Variants in FAM120B observed in about 807,000 individuals in gnomAD.
FAM120B encodes constitutive coactivator of peroxisome proliferator-activated receptor gamma.
Under a neutral mutation model 96.3 loss-of-function variants are expected in FAM120B, and 83 were observed. The observed-to-expected ratio is 0.86, with a 90% CI of 0.72 to 1.03. The LOEUF is 1.03. Ranked by LOEUF, FAM120B falls within the 50% of genes least tolerant of loss-of-function variation. The pLI, the probability that FAM120B is intolerant of heterozygous loss-of-function variation, is 0.00. For missense variants in FAM120B, 1,027 were observed against 1,121.2 expected, an observed-to-expected ratio of 0.92 and a Z score of 1.20; for synonymous variants, 407 against 402.7, an observed-to-expected ratio of 1.01 and a Z score of -0.13.
intron 5 of FAM120B, among the ~76,000 whole-genome samples, chr6:170,349,750 G>A (rs759460120): frequency 1.2e-4 from 19 of 152,186 alleles, no homozygotes; most frequent in African/African-American, 4.3e-4. Flanking sequence ...GCTGCGGTCC[G>A]TGGCACTCAC....
intron 5 of FAM120B, among the ~76,000 whole-genome samples, chr6:170,356,969 C>T (rs934542189): frequency 2.0e-5 from 3 of 152,140 alleles, no homozygotes; most frequent in Non-Finnish European, 4.4e-5. Context: ...TTGGCAGGTC[C>T]AAGCAGCAGT....
chr6:170,301,779 C>T (rs1433478507), upstream of FAM120B, among the ~76,000 whole-genome samples: 5 of 152,236 alleles, frequency 3.3e-5, no homozygotes, highest in South Asian at 2.1e-4. Flanking sequence ...ACAACTTCCT[C>T]ATCTCCATCT....
intron 4 of FAM120B, among the ~76,000 whole-genome samples, chr6:170,333,523 T>TA (rs1214255313): frequency 6.6e-6 from 1 of 151,448 alleles, no homozygotes; most frequent in East Asian, 1.9e-4. Context: ...TCATCTTTTT[T>TA]TTTTTTTTTT....
intron 6 of FAM120B, among the ~76,000 whole-genome samples, chr6:170,360,325 G>A (rs2115191860): frequency 6.6e-6 from 1 of 151,952 alleles, no homozygotes; most frequent in Non-Finnish European, 1.5e-5. Flanking sequence ...AGCAGAAGGT[G>A]TACTGTTCTT....
At chr6:170,343,561 T>C (rs996669455) in intron 4 of FAM120B, among the ~76,000 whole-genome samples, 5 of 152,072 alleles carry the variant, frequency 3.3e-5, no homozygotes, top group Non-Finnish European at 5.9e-5. Flanking sequence ...ATCTATTATA[T>C]CATTAGAACT....
At chr6:170,325,048 T>C (rs1785504960) in intron 3 of FAM120B, among the ~76,000 whole-genome samples, 1 of 152,248 alleles carries the variant, frequency 6.6e-6, no homozygotes, top group African/African-American at 2.4e-5. Flanking sequence ...TGTGGATTTG[T>C]CTATTTATTC....
At chr6:170,296,852 G>A (rs1784024784) in intron 1 of FAM120B, among the ~76,000 whole-genome samples, 1 of 152,182 alleles carries the variant, frequency 6.6e-6, no homozygotes, top group Admixed American at 6.5e-5. Flanking sequence ...TGCATCCGGG[G>A]GGTCGAGGCG....
chr6:170,299,272 G>T (rs898426961), intron 1 of FAM120B, among the ~76,000 whole-genome samples: 2 of 152,032 alleles, frequency 1.3e-5, no homozygotes, highest in African/African-American at 4.8e-5. Flanking sequence ...CTTCTTCTTT[G>T]TTCAGGTTTG....
At chr6:170,371,170 CT>C (rs1562577012) in intron 6 of FAM120B, among the ~76,000 whole-genome samples, 2 of 152,166 alleles carry the variant, frequency 1.3e-5, no homozygotes, top group African/African-American at 2.4e-5. Context: ...TCCTCAGCCC[CT>C]GTCTACCACT....
chr6:170,293,186 G>C (rs373384906), upstream of FAM120B, among the ~76,000 whole-genome samples: 3 of 152,028 alleles, frequency 2.0e-5, no homozygotes, highest in Non-Finnish European at 1.5e-5. Flanking sequence ...GGCTGGGGGT[G>C]GGGGTGAGGG....
chr6:170,311,087 TAGGG>T (rs921857237), intron 1 of FAM120B, among the ~76,000 whole-genome samples: 72 of 152,224 alleles, frequency 4.7e-4, no homozygotes, highest in African/African-American at 1.6e-3. Context: ...TCTCCCAGAA[TAGGG>T]AGGGAGAGTG....
chr6:170,333,837 A>G (rs186986881), intron 4 of FAM120B, among the ~76,000 whole-genome samples: 3 of 152,314 alleles, frequency 2.0e-5, no homozygotes, highest in East Asian at 1.9e-4. Context: ...TAGGATATAT[A>G]TACTACATTT....
intron 9 of FAM120B, among the ~76,000 whole-genome samples, chr6:170,400,834 G>A (rs367988284): frequency 6.6e-6 from 1 of 152,282 alleles, no homozygotes; most frequent in African/African-American, 2.4e-5. Flanking sequence ...TGCAGGTGTG[G>A]CCTGGCGGGA....
Position 170,361,188 on chromosome 6 carries a change from ATATATACGTG to A in FAM120B, c.2283+2877_2283+2886del, listed in dbSNP as rs1454497915. 9.4e-5 allele frequency among the ~76,000 whole-genome samples: 10 copies of A among 106,334 alleles called. 1 individual carries two copies. The highest frequency in any genetic ancestry group is 1.4e-4 in the Non-Finnish European group (8 of 55,330). 69.8% of individuals were successfully genotyped at this position (106,334 alleles called of 152,430 possible). A position where few individuals can be genotyped will look rare whatever the true frequency, so the allele number is the denominator to read the frequency against. On this transcript the variant is annotated intron_variant, in intron 6 of 10. Transcript: ENST00000476287. Reference sequence around the variant, plus strand: ...CTCAAATATAGCCTTAAAACTATATATATATACGTGTATATATATATATATATATATATAT... The same window carrying A: ...CTCAAATATAGCCTTAAAACTATATATATATATATATATATATATATATAT...
Position 170,318,136 on chromosome 6 carries a change from C to A in FAM120B, c.746C>A (p.Ser249Tyr). 1.2e-6 allele frequency: 2 copies of A among 1,614,166 alleles called. No homozygotes were observed. Among genetic ancestry groups the A allele is most frequent in the South Asian group, 2.2e-5 (2 of 91,078 alleles). The change falls in exon 2 of 11, where the codon TCC becomes TAC. Residue 249 changes from serine (S) to tyrosine (Y), a missense_variant. Ser to Tyr is a moderately radical substitution (Grantham distance 144). This residue lies in a region of FAM120B where 880 missense variants were observed against 980.9 expected (regional missense o/e 0.90). Coordinates refer to ENST00000476287, the MANE Select transcript of FAM120B (RefSeq NM_032448.3). Reference sequence around the variant, plus strand: ...AGCTTTAGGTACAAATGCTTATCGTCCTACACCTCTGTAAAAGAGAACTTT... The same window carrying A: ...AGCTTTAGGTACAAATGCTTATCGTACTACACCTCTGTAAAAGAGAACTTT... ...FESFRYKCLS[S>Y]YTSVKENFDK...
At chr6:170,303,484 C>T (rs1784185661), upstream of FAM120B, among the ~76,000 whole-genome samples, 1 of 152,242 alleles carries the variant, frequency 6.6e-6, no homozygotes, top group African/African-American at 2.4e-5. Context: ...TCACAGAGTC[C>T]TCTTACCTTG....
intron 4 of FAM120B, among the ~76,000 whole-genome samples, chr6:170,341,126 G>T (rs1191838984): frequency 1.3e-5 from 2 of 152,232 alleles, no homozygotes; most frequent in South Asian, 2.1e-4. Context: ...TCCCCCAGGT[G>T]CTCTGTCCCA....
chr6:170,361,626 A>C (rs1200298504), intron 6 of FAM120B, among the ~76,000 whole-genome samples: 1 of 152,084 alleles, frequency 6.6e-6, no homozygotes, highest in African/African-American at 2.4e-5. Context: ...CAGTTTTCCT[A>C]TTCATGTCTG....
chr6:170,348,133 A>G lies in FAM120B; in HGVS notation c.2018-18A>G. 6.2e-7 allele frequency: 1 copy of G among 1,607,726 alleles called. No homozygotes were observed. Among genetic ancestry groups the G allele is most frequent in the Non-Finnish European group, 8.5e-7 (1 of 1,176,508 alleles). On this transcript the variant is annotated intron_variant, in intron 4 of 10. Coordinates refer to ENST00000476287, the MANE Select transcript of FAM120B (RefSeq NM_032448.3). ...TGCTGCAAAGAACAATAGTTAATGG[A>G]CTTTTTTTCTTAACTAGGGGGAACG...
Sources: allele counts gnomAD v4.1 joint callset (sites outside exome capture counted in the v4.1 genomes callset), GRCh38; gene constraint gnomAD v4.1.1; regional missense constraint gnomAD v4.1.1; transcripts MANE v1.5; gene names NCBI Gene and HGNC (gene_info 2026-07-23, HGNC 2026-07-21).